Variants in KALRN observed in about 807,000 individuals in gnomAD.
The protein encoded by KALRN is kalirin RhoGEF kinase, also known as kalirin.
In KALRN, 70 loss-of-function variants were observed where a neutral mutation model predicts 353.7. The observed-to-expected ratio is 0.20, with a 90% CI of 0.16 to 0.24. The LOEUF (loss-of-function observed/expected upper bound fraction) is 0.24. KALRN is among the 10% of genes least tolerant of loss of function. The pLI is 1.00. For missense variants in KALRN, 2,791 were observed against 3,756.7 expected (o/e 0.74, Z 6.72); for synonymous variants, 1,391 against 1,434.8 (o/e 0.97, Z 0.69).
At chr3:124,312,193 T>C (rs1185410223) in intron 6 of KALRN, among the ~76,000 whole-genome samples, 1 of 152,178 alleles carries the variant, frequency 6.6e-6, no homozygotes, top group Non-Finnish European at 1.5e-5. Flanking sequence ...AGAATTTCAC[T>C]CTTGTTGCCC....
intron 34 of KALRN, among the ~76,000 whole-genome samples, chr3:124,608,921 A>G (rs944469712): frequency 4.0e-5 from 6 of 151,896 alleles, no homozygotes; most frequent in African/African-American, 1.5e-4. Flanking sequence ...CTTTTACTGT[A>G]CTCCTTTTCT....
intron 51 of KALRN, among the ~76,000 whole-genome samples, chr3:124,693,307 A>G (rs924400827): frequency 6.6e-6 from 1 of 152,130 alleles, no homozygotes; most frequent in African/African-American, 2.4e-5. Context: ...GGGGATGAGT[A>G]AAGGGTAAAG....
intron 5 of KALRN, among the ~76,000 whole-genome samples, chr3:124,278,489 G>GTGTGTGT (rs1553889406): frequency 3.4e-5 from 5 of 148,362 alleles, no homozygotes; most frequent in East Asian, 2.1e-4. Flanking sequence ...GTGTGTGTGT[G>GTGTGTGT]GTGCAGGGCA....
chr3:124,144,168 G>T (rs1023099017), intron 1 of KALRN, among the ~76,000 whole-genome samples: 1 of 152,156 alleles, frequency 6.6e-6, no homozygotes, highest in African/African-American at 2.4e-5. Flanking sequence ...TCCAGAGGGA[G>T]AATGACAAGT....
intron 6 of KALRN, among the ~76,000 whole-genome samples, chr3:124,321,429 A>G (rs1410257773): frequency 6.6e-6 from 1 of 152,250 alleles, no homozygotes. Flanking sequence ...TAAGGTTTTT[A>G]ATGGAAAGCT....
At position 124,413,571 on chromosome 3, in the gene KALRN, C is replaced by A. The variant is rs988749057; in HGVS notation, c.2448C>A (p.His816Gln). The change falls in exon 14 of 60, where the codon CAC (histidine) becomes CAA (glutamine). Residue 816 changes from histidine (H) to glutamine (Q), a missense_variant. His to Gln is a conservative substitution (Grantham distance 24). Coordinates refer to ENST00000682506, the MANE Select transcript of KALRN (RefSeq NM_001388419.1). ...TGGCAGAACAGCGGCTGCAGCGCCA[C>A]ACAGAACGGAAGCTAGCCATGAACA... ...LTLAEQRLQRHTERKLAMNNM... is the reference protein window; with the variant it reads ...LTLAEQRLQRQTERKLAMNNM... 1 of 1,613,990 alleles carries A rather than the reference C, an allele frequency of 6.2e-7. No homozygotes were observed. Among genetic ancestry groups the A allele is most frequent in the Non-Finnish European group, 8.5e-7 (1 of 1,180,024 alleles).
intron 1 of KALRN, among the ~76,000 whole-genome samples, chr3:124,194,660 C>T (rs1160540441): frequency 6.6e-6 from 1 of 152,152 alleles, no homozygotes; most frequent in Non-Finnish European, 1.5e-5. Flanking sequence ...GCTTGCCCTA[C>T]TAAGACAGGG....
intron 48 of KALRN, among the ~76,000 whole-genome samples, chr3:124,673,441 TAC>T (rs2086737751): frequency 2.0e-5 from 3 of 147,866 alleles, no homozygotes; most frequent in Admixed American, 1.4e-4. Context: ...TGTATGTATA[TAC>T]ATATAGAATA....
intron 51 of KALRN, among the ~76,000 whole-genome samples, chr3:124,687,511 G>A (rs1047548329): frequency 2.6e-5 from 4 of 152,012 alleles, no homozygotes; most frequent in African/African-American, 7.2e-5. Flanking sequence ...ATTTTTGACA[G>A]CACACTAAAT....
chr3:124,470,993 C>A (rs2107908818), intron 25 of KALRN, among the ~76,000 whole-genome samples: 1 of 152,218 alleles, frequency 6.6e-6, no homozygotes, highest in East Asian at 1.9e-4. Context: ...TCAAGATTTT[C>A]CCAGGATATG....
chr3:124,560,065 T>A (rs1421316796), intron 33 of KALRN, among the ~76,000 whole-genome samples: 1 of 152,184 alleles, frequency 6.6e-6, no homozygotes, highest in African/African-American at 2.4e-5. Context: ...CCAGGAACTG[T>A]GTCTTGAATT....
intron 10 of KALRN, among the ~76,000 whole-genome samples, chr3:124,371,962 T>C (rs1404886895): frequency 6.6e-6 from 1 of 152,180 alleles, no homozygotes; most frequent in Admixed American, 6.5e-5. Flanking sequence ...TCCCAGCTTC[T>C]AAAAACCTTC....
At chr3:124,332,730 A>G (rs1336988113) in intron 8 of KALRN, among the ~76,000 whole-genome samples, 3 of 152,170 alleles carry the variant, frequency 2.0e-5, no homozygotes, top group Non-Finnish European at 2.9e-5. Flanking sequence ...TGGTGTGTCC[A>G]CTGTCTAAGT....
chr3:124,594,375 G>A (rs977869433), intron 34 of KALRN, among the ~76,000 whole-genome samples: 1 of 152,112 alleles, frequency 6.6e-6, no homozygotes, highest in Non-Finnish European at 1.5e-5. Flanking sequence ...ACAGGCGTGC[G>A]CCACCACGCC....
intron 3 of KALRN, among the ~76,000 whole-genome samples, chr3:124,263,037 CAT>C (rs34988688): frequency 0.44 from 67,154 of 151,916 alleles, 15,006 homozygotes; most frequent in Middle Eastern, 0.49. Context: ...ACTACCCAAA[CAT>C]AGACTTTCTT....
intron 45 of KALRN, among the ~76,000 whole-genome samples, chr3:124,662,455 G>C (rs13059396): frequency 6.6e-6 from 1 of 152,120 alleles, no homozygotes; most frequent in Non-Finnish European, 1.5e-5. Flanking sequence ...TGAGTGTTTA[G>C]ACCTGATAGT....
chr3:124,562,977 C>G lies in KALRN; in HGVS notation c.5070C>G (p.Val1690=). Residue 1690 remains valine, a synonymous_variant, in exon 34 of 60, where the codon GTC becomes GTG. Transcript: ENST00000682506. ...RPSERPGWCL[V]RTTERSPPLE... ...GCGAGCGGCCTGGTTGGTGTCTGGT[C>G]CGTACCACCGAACGGAGCCCGCCCT... The G allele has an allele frequency of 7.3e-7, 1 of 1,367,878 alleles. No individual in the cohort carries two copies. The highest frequency in any genetic ancestry group is 9.8e-7 in the Non-Finnish European group (1 of 1,022,004). 84.7% of individuals were successfully genotyped at this position (1,367,878 alleles called of 1,614,324 possible). A position where few individuals can be genotyped will look rare whatever the true frequency, so the allele number is the denominator to read the frequency against.
intron 1 of KALRN, among the ~76,000 whole-genome samples, chr3:124,148,800 G>A (rs1244988304): frequency 6.6e-6 from 1 of 152,082 alleles, no homozygotes; most frequent in Non-Finnish European, 1.5e-5. Context: ...TGATTACCTG[G>A]AAGGTATGAA....
intron 1 of KALRN, among the ~76,000 whole-genome samples, chr3:124,065,190 T>G (rs138531545): frequency 1.3e-3 from 191 of 152,268 alleles, no homozygotes; most frequent in African/African-American, 4.5e-3. Context: ...AGGAAAAGCA[T>G]AGAAGGAGCA....
Sources: allele counts gnomAD v4.1 joint callset (sites outside exome capture counted in the v4.1 genomes callset), GRCh38; gene constraint gnomAD v4.1.1; transcripts MANE v1.5; gene names NCBI Gene and HGNC (gene_info 2026-07-23, HGNC 2026-07-21).